Variants in CCDC62 observed in about 807,000 individuals in gnomAD.
CCDC62 encodes the protein coiled-coil domain-containing protein 62.
CCDC62 carries 72 observed loss-of-function variants against 80.8 expected under a neutral mutation model. The ratio of observed to expected loss-of-function variants is 0.89; its 90% CI spans 0.74 to 1.08. The LOEUF (loss-of-function observed/expected upper bound fraction) is 1.08. Ranked by LOEUF, CCDC62 falls within the 50% of genes least tolerant of loss-of-function variation. The pLI, the probability that CCDC62 is intolerant of heterozygous loss-of-function variation, is 0.00. For synonymous variants in CCDC62, 286 were observed against 296.5 expected (o/e 0.96, Z 0.36); for missense variants, 704 against 809.4 (o/e 0.87, Z 1.58).
intron 11 of CCDC62, 86 bp from the exon 12 acceptor site, chr12:122,823,280 G>A: frequency 1.0e-6 from 1 of 990,380 alleles, no homozygotes; most frequent in Non-Finnish European, 1.6e-6. Context: ...ATCTCTTAAA[G>A]GCATTTCTGC....
intron 5 of CCDC62, 73 bp from the exon 6 acceptor site, chr12:122,791,947 T>A: frequency 1.0e-6 from 1 of 972,948 alleles, no homozygotes; most frequent in Non-Finnish European, 1.6e-6. Flanking sequence ...GATGTGAGAG[T>A]TAGGCATAGT....
intron 1 of CCDC62, chr12:122,776,452 T>C (rs557172415): frequency 4.6e-5 from 7 of 152,298 alleles, no homozygotes; most frequent in Admixed American, 1.3e-4. Context: ...AAGGGTGAAA[T>C]GGTATTTTTT....
chr12:122,797,479 T>G, intron 7 of CCDC62, 84 bp downstream of exon 7: 1 of 726,314 alleles, frequency 1.4e-6, no homozygotes, highest in Non-Finnish European at 2.5e-6. Flanking sequence ...GCCCGTCGAT[T>G]TTGTTTAATT....
chr12:122,783,310 C>T (rs536257931), intron 3 of CCDC62, among the ~76,000 whole-genome samples: 1 of 150,862 alleles, frequency 6.6e-6, no homozygotes, highest in East Asian at 2.0e-4. Context: ...TCACTGCAAG[C>T]TCCGCCTCCC....
At chr12:122,783,433 A>C (rs922932704) in intron 3 of CCDC62, among the ~76,000 whole-genome samples, 9 of 151,808 alleles carry the variant, frequency 5.9e-5, no homozygotes, top group Admixed American at 5.9e-4. Flanking sequence ...TCACCGTGTT[A>C]GCCAGGATGG....
chr12:122,817,301 C>T (rs2032209891), intron 11 of CCDC62, among the ~76,000 whole-genome samples: 1 of 150,682 alleles, frequency 6.6e-6, no homozygotes, highest in South Asian at 2.1e-4. Context: ...ACCTTGTGAT[C>T]CACCCGCCTC....
At chr12:122,792,815 G>C (rs770583203) in intron 6 of CCDC62, among the ~76,000 whole-genome samples, 1 of 152,178 alleles carries the variant, frequency 6.6e-6, no homozygotes, top group African/African-American at 2.4e-5. Flanking sequence ...ATCACGCCAG[G>C]CCTTTTTGTT....
At chr12:122,823,954 C>G (rs1396390031) in intron 12 of CCDC62, among the ~76,000 whole-genome samples, 1 of 151,788 alleles carries the variant, frequency 6.6e-6, no homozygotes, top group African/African-American at 2.4e-5. Flanking sequence ...CCACTGCACT[C>G]TAGCCTGGGC....
intron 6 of CCDC62, 84 bp downstream of exon 6, chr12:122,792,205 T>TG (rs1178847623): frequency 1.2e-5 from 7 of 562,448 alleles, no homozygotes; most frequent in Non-Finnish European, 2.0e-5. Context: ...CAAAATGGTT[T>TG]TTTTTTTTTT....
At chr12:122,818,293 A>G (rs1045747478) in intron 11 of CCDC62, among the ~76,000 whole-genome samples, 6 of 152,028 alleles carry the variant, frequency 3.9e-5, no homozygotes, top group Admixed American at 3.3e-4. Context: ...TCCACTAAAA[A>G]TACAAAAAAA....
chr12:122,812,775 GAGAGAAAGAAAGAAAGAA>G (rs1379795316), intron 10 of CCDC62, among the ~76,000 whole-genome samples: 2 of 74,534 alleles, frequency 2.7e-5, no homozygotes, highest in East Asian at 3.1e-4. Context: ...GAGAGAGAGA[GAGAGAAAGAAAGAAAGAA>G]AGAAAGAAAG....
intron 2 of CCDC62, among the ~76,000 whole-genome samples, chr12:122,779,031 TTA>T (rs918207993): frequency 6.6e-6 from 1 of 152,202 alleles, no homozygotes; most frequent in Non-Finnish European, 1.5e-5. Context: ...CTTATAGCTC[TTA>T]TATAGACATG....
At chr12:122,823,716 A>G (rs1257852394) in intron 12 of CCDC62, among the ~76,000 whole-genome samples, 1 of 151,486 alleles carries the variant, frequency 6.6e-6, no homozygotes, top group Non-Finnish European at 1.5e-5. Context: ...AAAAAAAAAA[A>G]AAAAGGCCGG....
intron 8 of CCDC62, among the ~76,000 whole-genome samples, chr12:122,800,671 C>T (rs1593806676): frequency 1.3e-5 from 2 of 152,124 alleles, no homozygotes; most frequent in Admixed American, 6.6e-5. Context: ...AGGTGATCCA[C>T]CCGCCTCAGC....
At chr12:122,824,843 G>A (rs564566590) in intron 12 of CCDC62, among the ~76,000 whole-genome samples, 1 of 152,260 alleles carries the variant, frequency 6.6e-6, no homozygotes, top group African/African-American at 2.4e-5. Context: ...CCAGCACTTT[G>A]GGAGGCCGAG....
intron 4 of CCDC62, among the ~76,000 whole-genome samples, chr12:122,787,450 CAAA>C (rs11291981): frequency 1.4e-4 from 19 of 132,454 alleles, no homozygotes; most frequent in Admixed American, 1.5e-4. Flanking sequence ...GACTCTGTCT[CAAA>C]AAAAAAAAAA....
chr12:122,821,185 G>A (rs1446731788), intron 11 of CCDC62, among the ~76,000 whole-genome samples: 1 of 152,108 alleles, frequency 6.6e-6, no homozygotes, highest in East Asian at 1.9e-4. Context: ...CTTAACTACT[G>A]ACCACTGTTT....
At chr12:122,794,683 G>A (rs1402109158) in intron 6 of CCDC62, among the ~76,000 whole-genome samples, 4 of 151,712 alleles carry the variant, frequency 2.6e-5, no homozygotes, top group African/African-American at 9.7e-5. Context: ...TAGAGACAGG[G>A]TCTTGCTCTG....
chr12:122,811,229 C>G (rs78596837), intron 10 of CCDC62, among the ~76,000 whole-genome samples: 104,023 of 124,664 alleles, frequency 0.83, 42,596 homozygotes, highest in East Asian at 0.95. Context: ...TTTTTTTTTT[C>G]AGACGGAGTT....
Sources: allele counts gnomAD v4.1 joint callset (sites outside exome capture counted in the v4.1 genomes callset), GRCh38; gene constraint gnomAD v4.1.1; transcripts MANE v1.5; gene names NCBI Gene and HGNC (gene_info 2026-07-23, HGNC 2026-07-21).